NARS1: variants seen among roughly 807,000 people sequenced by gnomAD.
NARS1 encodes the protein asparaginyl-tRNA synthetase 1.
NARS1 carries 65 observed loss-of-function variants against 79.2 expected under a neutral mutation model. The ratio of observed to expected loss-of-function variants is 0.82; its 90% CI spans 0.67 to 1.01. NARS1 has a LOEUF of 1.01. Among genes scored for constraint, NARS1 ranks in the 50% least tolerant of loss-of-function variants. NARS1 has a pLI of 0.00. For synonymous variants in NARS1, 229 were observed against 238.8 expected (o/e 0.96, Z 0.38); for missense variants, 649 against 673.8 (o/e 0.96, Z 0.41).
chr18:57,603,005 T>C (rs1354431334), intron 11 of NARS1, 62 bp from the exon 12 acceptor site: 1 of 1,563,618 alleles, frequency 6.4e-7, no homozygotes, highest in Non-Finnish European at 8.8e-7. Flanking sequence ...CAGAAGCAGC[T>C]CCTTCACCCT....
At chr18:57,621,678 A>C in intron 1 of NARS1, 30 bp downstream of exon 1, 1 of 1,601,254 alleles carries the variant, frequency 6.2e-7, no homozygotes, top group Non-Finnish European at 8.6e-7. Context: ...CAGGCAGGGA[A>C]CACCGCGCCA....
intron 7 of NARS1, among the ~76,000 whole-genome samples, chr18:57,607,983 T>G (rs988374391): frequency 2.0e-5 from 3 of 151,294 alleles, no homozygotes; most frequent in African/African-American, 4.9e-5. Context: ...TTCTCCTACC[T>G]CAGCCTCCCG....
intron 7 of NARS1, among the ~76,000 whole-genome samples, chr18:57,609,047 C>T (rs534073186): frequency 1.3e-3 from 202 of 152,346 alleles, no homozygotes; most frequent in Non-Finnish European, 2.0e-3. Flanking sequence ...TTGACAGGGG[C>T]TCCTGGGCCT....
In NARS1 at chr18:57,606,607, T is replaced by G. The variant is rs1408749081; in HGVS notation, c.1137+9A>C. ...TGTGACTTTTTCTTTCCATAAACAC[T>G]GCACCTACCGGGTTGAGCTCATGCA... On this transcript the variant is annotated intron_variant, in intron 10 of 13. Transcript: ENST00000256854. 6.2e-7 allele frequency: 1 copy of G among 1,612,354 alleles called. No homozygotes were observed. Among genetic ancestry groups the G allele is most frequent in the Non-Finnish European group, 8.5e-7 (1 of 1,178,978 alleles).
rs749971271 is a variant in NARS1 at position 57,602,484 on chromosome 18, G to A, written c.1386C>T (p.Val462=). 7.4e-6 allele frequency: 12 copies of A among 1,613,498 alleles called. No homozygotes were observed. The highest frequency in any genetic ancestry group is 1.7e-4 in the Middle Eastern group (1 of 6,060). The stretch of plus-strand genomic sequence containing the variant: ...CACCAACATTGGGCATCAACACGTC[G>A]ACCTTTAAATATAAGTGAAAGAAGA... ...CPEDSRLTES[V]DVLMPNVGEI... Residue 462 remains valine (V), a splice_region_variant and synonymous_variant, in exon 13 of 14, where the codon GTC becomes GTT. Transcript: ENST00000256854.
At chr18:57,610,580 A>C (rs2122439926) in intron 6 of NARS1, among the ~76,000 whole-genome samples, 1 of 152,330 alleles carries the variant, frequency 6.6e-6, no homozygotes, top group African/African-American at 2.4e-5. Context: ...ACTGAACCTA[A>C]TCAGACCTAA....
At chr18:57,611,798 C>G in intron 5 of NARS1, 91 bp from the exon 6 acceptor site, 1 of 620,934 alleles carries the variant, frequency 1.6e-6, no homozygotes, top group Non-Finnish European at 2.4e-6. Flanking sequence ...GGTCTCACTT[C>G]GTCACCCAGG....
At position 57,607,678 on chromosome 18, in the gene NARS1, A is replaced by G. The variant is rs772690968; in HGVS notation, c.580-13T>C. ...GGCCACCTGGAGCCTGCATTTTTTA[A>G]AAGTGGGGTCCAGAGAAAGAGGGAA... On this transcript the variant is annotated splice_polypyrimidine_tract_variant and intron_variant, in intron 7 of 13. Coordinates refer to ENST00000256854, the MANE Select transcript of NARS1 (RefSeq NM_004539.4). The G allele has an allele frequency of 6.3e-7, 1 of 1,595,808 alleles. No individual in the cohort carries two copies. The highest frequency in any genetic ancestry group is 1.1e-5 in the South Asian group (1 of 90,014).
chr18:57,609,500 A>G, intron 6 of NARS1, 57 bp from the exon 7 acceptor site: 1 of 1,422,888 alleles, frequency 7.0e-7, no homozygotes, highest in Non-Finnish European at 9.9e-7. Flanking sequence ...AAATTCTACC[A>G]TATAGAAAGT....
intron 12 of NARS1, 48 bp downstream of exon 12, chr18:57,602,764 C>G: frequency 6.3e-7 from 1 of 1,593,574 alleles, no homozygotes; most frequent in Non-Finnish European, 8.6e-7. Flanking sequence ...ACAGTCCCCA[C>G]CCCCTTAAAA....
intron 11 of NARS1, among the ~76,000 whole-genome samples, chr18:57,605,576 T>G (rs906148893): frequency 2.9e-5 from 4 of 139,304 alleles, no homozygotes; most frequent in Non-Finnish European, 6.0e-5. Context: ...ATCATGCCAC[T>G]GCACTCCGTA....
chr18:57,608,913 G>A (rs939534727), intron 7 of NARS1, among the ~76,000 whole-genome samples: 6 of 152,162 alleles, frequency 3.9e-5, no homozygotes, highest in African/African-American at 1.2e-4. Context: ...AGAGGAAGAA[G>A]GTGGAAGAGC....
chr18:57,613,330 T>C (rs1050110858), intron 5 of NARS1, among the ~76,000 whole-genome samples: 3 of 151,970 alleles, frequency 2.0e-5, no homozygotes, highest in African/African-American at 4.8e-5. Context: ...CCGTCTCTAC[T>C]AAAATTACAA....
intron 2 of NARS1, among the ~76,000 whole-genome samples, chr18:57,620,268 C>T (rs1908243484): frequency 6.6e-6 from 1 of 152,090 alleles, no homozygotes; most frequent in Admixed American, 6.5e-5. Context: ...GGAAAGGTAA[C>T]TTTTATCTTT....
At chr18:57,601,828 TA>T in intron 13 of NARS1, 45 bp from the exon 14 acceptor site, 3 of 1,595,064 alleles carry the variant, frequency 1.9e-6, no homozygotes, top group Non-Finnish European at 2.6e-6. Context: ...ATACTTAAGT[TA>T]AAACTTTCAT....
chr18:57,604,210 A>G (rs1330427793), intron 11 of NARS1, among the ~76,000 whole-genome samples: 1 of 152,230 alleles, frequency 6.6e-6, no homozygotes, highest in Non-Finnish European at 1.5e-5. Context: ...TAGGAACACT[A>G]AAAGTATGCA....
At chr18:57,606,549 G>C in intron 10 of NARS1, 67 bp downstream of exon 10, 2 of 1,480,186 alleles carry the variant, frequency 1.4e-6, no homozygotes, top group Non-Finnish European at 9.2e-7. Context: ...CAAAAACTGA[G>C]GGTGAAGACT....
intron 2 of NARS1, among the ~76,000 whole-genome samples, chr18:57,618,623 C>T (rs1908161877): frequency 6.6e-6 from 1 of 152,102 alleles, no homozygotes; most frequent in Non-Finnish European, 1.5e-5. Context: ...AAAACCCAGC[C>T]AGGAGTGGCG....
At chr18:57,606,005 T>C (rs1312527792) in intron 10 of NARS1, 35 bp from the exon 11 acceptor site, 4 of 1,280,870 alleles carry the variant, frequency 3.1e-6, no homozygotes, top group South Asian at 1.3e-5. Flanking sequence ...TGTGTATATA[T>C]ACATAAATAT....
Sources: allele counts gnomAD v4.1 joint callset (sites outside exome capture counted in the v4.1 genomes callset), GRCh38; gene constraint gnomAD v4.1.1; transcripts MANE v1.5; gene names NCBI Gene and HGNC (gene_info 2026-07-23, HGNC 2026-07-21).